Variants in MAPK8IP1 observed in about 807,000 individuals in gnomAD.
The protein encoded by MAPK8IP1 is mitogen-activated protein kinase 8 interacting protein 1.
In MAPK8IP1, 17 loss-of-function variants were observed where a neutral mutation model predicts 72.6. The ratio of observed to expected loss-of-function variants is 0.23; its 90% confidence interval spans 0.16 to 0.35. The LOEUF (loss-of-function observed/expected upper bound fraction) is 0.35. MAPK8IP1 is among the 10% of genes least tolerant of loss of function. The probability of loss-of-function intolerance (pLI) is 1.00; values close to 1 mark genes in which losing one functional copy is unlikely to be tolerated. For synonymous variants in MAPK8IP1, 401 were observed against 443.4 expected, an observed-to-expected ratio of 0.90 and a Z score of 1.20; for missense variants, 789 against 1,009.7, an observed-to-expected ratio of 0.78 and a Z score of 2.96.
rs1364311275 is a variant in MAPK8IP1 at position 45,900,009 on chromosome 11, C to G, written c.208-129C>G. On this transcript the variant is annotated intron_variant, in intron 2 of 11. Coordinates refer to ENST00000241014, the MANE Select transcript of MAPK8IP1 (RefSeq NM_005456.4). This position sits in a 1 kb window ranked among gnomAD's most constrained non-coding sequence, Gnocchi z 6.5. The stretch of plus-strand genomic sequence containing the variant: ...CGGGCGAGAGCGCCCCAGTCTCCGG[C>G]GGCCCCTGCTCGGCTCCCCTCGTGC... 2 of 489,674 alleles carry G rather than the reference C, an allele frequency of 4.1e-6. No homozygotes were observed. The highest frequency in any genetic ancestry group is 2.9e-6 in the Non-Finnish European group (1 of 344,574). The allele number at this position is 489,674 out of a possible 1,614,324, so 30.3% of individuals were successfully genotyped here.
chr11:45,897,206 C>A (rs2044545862), intron 1 of MAPK8IP1, among the ~76,000 whole-genome samples: 1 of 147,618 alleles, frequency 6.8e-6, no homozygotes, highest in Non-Finnish European at 1.5e-5. Context: ...CCCCCCACCA[C>A]CCCCCCAGCA....
intron 1 of MAPK8IP1, among the ~76,000 whole-genome samples, chr11:45,895,531 A>C (rs2086596676): frequency 6.6e-6 from 1 of 151,594 alleles, no homozygotes; most frequent in Admixed American, 6.6e-5. Flanking sequence ...GAGGCAGGAG[A>C]ATCACTTGAA....
rs745461854 is a variant in MAPK8IP1, at chr11:45,903,199, G to A, written c.1417+15G>A. On this transcript the variant is annotated intron_variant, in intron 5 of 11. Coordinates refer to ENST00000241014, the MANE Select transcript of MAPK8IP1 (RefSeq NM_005456.4). This position sits in a 1 kb window ranked among gnomAD's most constrained non-coding sequence, Gnocchi z 6.4. ...CCGCTCCTCCAGTGAGTCAGCAAGG[G>A]GAAGCAGTGGGGTGGGGGGGTCCCT... 1.8e-5 allele frequency: 29 copies of A among 1,598,044 alleles called. No homozygotes were observed. In the African/African-American group the frequency reaches 3.6e-4, roughly 20 times the overall value.
chr11:45,900,016 T>TGCTCGGCTCC lies in MAPK8IP1; in HGVS notation c.208-121_208-112dup, dbSNP rs1366200352. ...GAGCGCCCCAGTCTCCGGCGGCCCC[T>TGCTCGGCTCC]GCTCGGCTCCCCTCGTGCCCCCTTC... On this transcript the variant is annotated intron_variant, in intron 2 of 11. Coordinates refer to ENST00000241014, the MANE Select transcript of MAPK8IP1 (RefSeq NM_005456.4). This position sits in a 1 kb window ranked among gnomAD's most constrained non-coding sequence, Gnocchi z 6.5. 3.4e-6 allele frequency: 2 copies of TGCTCGGCTCC among 582,214 alleles called. No individual in the cohort carries two copies. Among genetic ancestry groups the TGCTCGGCTCC allele is most frequent in the Non-Finnish European group, 4.7e-6 (2 of 428,212 alleles). 36.1% of individuals were successfully genotyped at this position (582,214 alleles called of 1,614,324 possible). A position where few individuals can be genotyped will look rare whatever the true frequency, so the allele number is the denominator to read the frequency against.
At chr11:45,894,525 A>G (rs990075789) in intron 1 of MAPK8IP1, among the ~76,000 whole-genome samples, 2 of 152,106 alleles carry the variant, frequency 1.3e-5, no homozygotes, top group Admixed American at 6.6e-5. Context: ...CCCCACCCAG[A>G]CCTATTGTCC....
rs2086684062 is a variant in MAPK8IP1, at chr11:45,904,243, A to G, written c.1666+82A>G. The stretch of plus-strand genomic sequence containing the variant: ...GCTGCTAGGTGAACGTGTACTCCAG[A>G]TCTCAGCCAGCCAGGTGGGGGGCTG... On this transcript the variant is annotated intron_variant, in intron 7 of 11. Transcript: ENST00000241014. This position sits in a 1 kb window ranked among gnomAD's most constrained non-coding sequence, Gnocchi z 6.4. The G allele has an allele frequency of 6.8e-7, 1 of 1,477,256 alleles. No individual in the cohort carries two copies. The highest frequency in any genetic ancestry group is 1.9e-5 in the Admixed American group (1 of 52,738). 91.5% of individuals were successfully genotyped at this position (1,477,256 alleles called of 1,614,324 possible).
Position 45,900,537 on chromosome 11 carries a change from A to G in MAPK8IP1, c.522+85A>G. ...CAGAGGGGCTGCAGCGGGAAGGGGC[A>G]CCCACGGGTCCAGTGCCTGGGGACA... is the stretch of plus-strand genomic sequence containing the variant. On this transcript the variant is annotated intron_variant, in intron 3 of 11. Coordinates refer to ENST00000241014, the MANE Select transcript of MAPK8IP1 (RefSeq NM_005456.4). The surrounding 1 kb of genome is among the most constrained non-coding windows in gnomAD (Gnocchi z 6.5). The G allele has an allele frequency of 6.8e-7, 1 of 1,460,236 alleles. No individual in the cohort carries two copies. The highest frequency in any genetic ancestry group is 9.2e-7 in the Non-Finnish European group (1 of 1,092,812). The allele number at this position is 1,460,236 out of a possible 1,614,324, so 90.5% of individuals were successfully genotyped here.
At chr11:45,905,284 G>A (rs1272447627) in intron 11 of MAPK8IP1, 35 bp downstream of exon 11, 3 of 1,580,924 alleles carry the variant, frequency 1.9e-6, no homozygotes, top group Non-Finnish European at 1.7e-6. Flanking sequence ...CCAGCCCGAG[G>A]GAGCACGCCC....
chr11:45,902,709 C>A lies in MAPK8IP1; in HGVS notation c.942C>A (p.Asp314Glu), dbSNP rs1488847892. 1 of 1,609,528 alleles carries A rather than the reference C, an allele frequency of 6.2e-7. No homozygotes were observed. The highest frequency in any genetic ancestry group is 1.3e-5 in the African/African-American group (1 of 74,924). ...GGATGTCAGTCAGCTCCGATCCAGA[C>A]CCTGCCGCCTACCCCTCCACGGCAG... ...ESRMSVSSDP[D>E]PAAYPSTAGR... Residue 314 changes from aspartate to glutamate, a missense_variant, in exon 5 of 12, where the codon GAC becomes GAA. Physicochemically the swap from Asp to Glu is conservative, Grantham distance 45. Around this residue, in one of 4 missense-constraint regions of MAPK8IP1, gnomAD observed 377 missense variants for 411.7 expected, o/e 0.92. Coordinates refer to ENST00000241014, the MANE Select transcript of MAPK8IP1 (RefSeq NM_005456.4). This position sits in a 1 kb window ranked among gnomAD's most constrained non-coding sequence, Gnocchi z 9.3.
Position 45,900,527 on chromosome 11 carries a change from G to A in MAPK8IP1, c.522+75G>A. 6.7e-7 allele frequency: 1 copy of A among 1,489,064 alleles called. No homozygotes were observed. Among genetic ancestry groups the A allele is most frequent in the Non-Finnish European group, 9.0e-7 (1 of 1,116,148 alleles). The allele number at this position is 1,489,064 out of a possible 1,614,324, so 92.2% of individuals were successfully genotyped here. On this transcript the variant is annotated intron_variant, in intron 3 of 11. Coordinates refer to ENST00000241014, the MANE Select transcript of MAPK8IP1 (RefSeq NM_005456.4). The surrounding 1 kb of genome is among the most constrained non-coding windows in gnomAD (Gnocchi z 6.5). ...AGGGGGAGCGCAGAGGGGCTGCAGC[G>A]GGAAGGGGCACCCACGGGTCCAGTG... is the stretch of plus-strand genomic sequence containing the variant.
chr11:45,891,059 G>A (rs1315319169), intron 1 of MAPK8IP1, among the ~76,000 whole-genome samples: 2 of 152,194 alleles, frequency 1.3e-5, no homozygotes, highest in Non-Finnish European at 2.9e-5. Flanking sequence ...ATGGACCTTG[G>A]ATGTGGAGGC....
At chr11:45,901,839 AC>A (rs1219340559) in intron 3 of MAPK8IP1, 140 bp from the exon 4 acceptor site, 1 of 779,900 alleles carries the variant, frequency 1.3e-6, no homozygotes, top group African/African-American at 1.7e-5. Context: ...GAGGAGAGTT[AC>A]GAGTGAGGCC....
At chr11:45,901,918 G>T (rs1256201360) in intron 3 of MAPK8IP1, 62 bp from the exon 4 acceptor site, 8 of 1,303,192 alleles carry the variant, frequency 6.1e-6, no homozygotes, top group Non-Finnish European at 8.9e-6. Flanking sequence ...CAGGGCCGGG[G>T]CCTCCCTGTG....
chr11:45,899,645 C>G (rs2134673289), intron 2 of MAPK8IP1, among the ~76,000 whole-genome samples: 1 of 152,304 alleles, frequency 6.6e-6, no homozygotes, highest in Middle Eastern at 3.4e-3. Flanking sequence ...CTCGCCCCTC[C>G]CCCTCGGCGT....
chr11:45,898,033 T>G (rs892005553), intron 1 of MAPK8IP1, 52 bp from the exon 2 acceptor site: 5 of 1,088,106 alleles, frequency 4.6e-6, no homozygotes, highest in Non-Finnish European at 7.1e-6. Flanking sequence ...CAGGGAGATG[T>G]GAGCAGGCAT....
chr11:45,888,096 G>A (rs1172768867), intron 1 of MAPK8IP1, among the ~76,000 whole-genome samples: 2 of 152,232 alleles, frequency 1.3e-5, no homozygotes, highest in African/African-American at 4.8e-5. Flanking sequence ...CTAAGAATCA[G>A]ATGAGATAAC....
chr11:45,893,486 C>T (rs2086581592), intron 1 of MAPK8IP1, among the ~76,000 whole-genome samples: 1 of 152,112 alleles, frequency 6.6e-6, no homozygotes. Context: ...GGAACAGGGC[C>T]TCAGGTAGAA....
At position 45,903,417 on chromosome 11, in the gene MAPK8IP1, G is replaced by T. The variant is rs750065668; in HGVS notation, c.1470G>T (p.Glu490Asp). Residue 490 changes from glutamate (E) to aspartate (D), a missense_variant, in exon 6 of 12, where the codon GAG becomes GAT. By Grantham distance (45) the Glu-to-Asp change is conservative (BLOSUM62 2). Transcript: ENST00000241014. The surrounding 1 kb of genome is among the most constrained non-coding windows in gnomAD (Gnocchi z 6.4). The stretch of plus-strand genomic sequence containing the variant: ...GCATCATCAACGGGGAGGAGCAGGA[G>T]CAGACCCACCGGGCCATATTCAGGT... The part of the protein sequence containing the change: ...FSCIINGEEQ[E>D]QTHRAIFRFV... 6.2e-7 allele frequency: 1 copy of T among 1,613,106 alleles called. No homozygotes were observed. The highest frequency in any genetic ancestry group is 2.2e-5 in the East Asian group (1 of 44,882).
chr11:45,893,577 G>C (rs745683108), intron 1 of MAPK8IP1, among the ~76,000 whole-genome samples: 1 of 152,202 alleles, frequency 6.6e-6, no homozygotes. Context: ...AAGGATCACA[G>C]CATCCAGGAT....
Sources: allele counts gnomAD v4.1 joint callset (sites outside exome capture counted in the v4.1 genomes callset), GRCh38; gene constraint gnomAD v4.1.1; regional missense constraint gnomAD v4.1.1; non-coding constraint Gnocchi (gnomAD v3.1); transcripts MANE v1.5; gene names NCBI Gene and HGNC (gene_info 2026-07-23, HGNC 2026-07-21).